AMPH: variants seen among roughly 807,000 people sequenced by gnomAD.
AMPH encodes amphiphysin (Stiff-Mann syndrome with breast cancer 128kD autoantigen).
AMPH carries 49 observed loss-of-function variants against 99.1 expected under a neutral mutation model. The observed-to-expected ratio is 0.49, with a 90% CI of 0.39 to 0.63. The LOEUF (loss-of-function observed/expected upper bound fraction) is 0.63, where lower values mean the gene tolerates loss of function less well. Ranked by LOEUF, AMPH falls within the 20% of genes least tolerant of loss-of-function variation. The pLI is 0.00. For missense variants in AMPH, 759 were observed against 863.4 expected, an observed-to-expected ratio of 0.88 and a Z score of 1.52; for synonymous variants, 314 against 317.3, an observed-to-expected ratio of 0.99 and a Z score of 0.11.
At chr7:38,390,294 G>T (rs941519668) in intron 19 of AMPH, among the ~76,000 whole-genome samples, 6 of 152,088 alleles carry the variant, frequency 3.9e-5, no homozygotes, top group Non-Finnish European at 8.8e-5. Flanking sequence ...ACCACTTGCA[G>T]GTTATACAGT....
At chr7:38,474,882 A>G (rs1788026418) in intron 7 of AMPH, among the ~76,000 whole-genome samples, 1 of 152,200 alleles carries the variant, frequency 6.6e-6, no homozygotes. Context: ...GAGGCTTACC[A>G]TCTAAGCCAG....
At chr7:38,527,481 T>C (rs916201549) in intron 2 of AMPH, among the ~76,000 whole-genome samples, 14 of 152,162 alleles carry the variant, frequency 9.2e-5, no homozygotes, top group Non-Finnish European at 1.8e-4. Flanking sequence ...AATTTACACA[T>C]ATATATTTCT....
chr7:38,392,075 G>T, intron 18 of AMPH, 58 bp from the exon 19 acceptor site: 1 of 1,562,718 alleles, frequency 6.4e-7, no homozygotes, highest in Non-Finnish European at 8.6e-7. Flanking sequence ...GAACCTCCTT[G>T]TCCTGCACAA....
At chr7:38,450,019 T>C (rs533852082) in intron 11 of AMPH, among the ~76,000 whole-genome samples, 8 of 152,290 alleles carry the variant, frequency 5.3e-5, no homozygotes, top group East Asian at 3.9e-4. Flanking sequence ...ACAAGTAAGA[T>C]GCAGTATTAG....
intron 1 of AMPH, among the ~76,000 whole-genome samples, chr7:38,588,915 C>T (rs2129057392): frequency 6.6e-6 from 1 of 152,198 alleles, no homozygotes; most frequent in South Asian, 2.1e-4. Context: ...CAAACACCCT[C>T]CTCCACACCC....
chr7:38,600,064 T>C (rs1793193565), intron 1 of AMPH, among the ~76,000 whole-genome samples: 1 of 152,130 alleles, frequency 6.6e-6, no homozygotes, highest in Non-Finnish European at 1.5e-5. Context: ...GGCCTTTGGA[T>C]TCAGTCCTCG....
intron 1 of AMPH, among the ~76,000 whole-genome samples, chr7:38,576,270 A>G (rs1468761593): frequency 6.6e-6 from 1 of 152,084 alleles, no homozygotes; most frequent in Admixed American, 6.5e-5. Flanking sequence ...AAACAAAACA[A>G]CTTCTTAATA....
intron 1 of AMPH, among the ~76,000 whole-genome samples, chr7:38,568,337 T>C (rs1327631593): frequency 5.3e-5 from 8 of 152,058 alleles, no homozygotes; most frequent in Admixed American, 3.9e-4. Flanking sequence ...TGGTGGTGGG[T>C]GCCTGTAGTC....
chr7:38,497,085 G>T (rs1302284534), intron 3 of AMPH, among the ~76,000 whole-genome samples: 1 of 152,150 alleles, frequency 6.6e-6, no homozygotes, highest in Non-Finnish European at 1.5e-5. Flanking sequence ...AAGCCATTTT[G>T]ACATGGAAAT....
chr7:38,564,794 G>A (rs1159439501), intron 1 of AMPH, among the ~76,000 whole-genome samples: 6 of 152,124 alleles, frequency 3.9e-5, no homozygotes, highest in African/African-American at 1.4e-4. Context: ...CCTTATCAAG[G>A]TGAACATAAG....
intron 11 of AMPH, among the ~76,000 whole-genome samples, chr7:38,455,081 CTT>C (rs558916967): frequency 1.4e-5 from 2 of 146,126 alleles, no homozygotes; most frequent in African/African-American, 5.0e-5. Context: ...TATTAAAATT[CTT>C]TTTTTTTTTT....
intron 7 of AMPH, among the ~76,000 whole-genome samples, chr7:38,466,703 C>A (rs1211578932): frequency 6.6e-6 from 1 of 151,938 alleles, no homozygotes; most frequent in Non-Finnish European, 1.5e-5. Flanking sequence ...TTGAGAAGTT[C>A]ATTATTAACT....
chr7:38,427,046 G>T (rs1021285161), intron 14 of AMPH, 60 bp from the exon 15 acceptor site: 3 of 1,448,332 alleles, frequency 2.1e-6, no homozygotes, highest in East Asian at 2.3e-5. Context: ...TGTAGGACCA[G>T]TAAATATCCA....
chr7:38,418,069 A>G, intron 16 of AMPH, 119 bp from the exon 17 acceptor site: 1 of 1,199,682 alleles, frequency 8.3e-7, no homozygotes, highest in Non-Finnish European at 1.2e-6. Context: ...AGCTTCATGA[A>G]ATCCGTGCTG....
chr7:38,571,489 C>A (rs1584260050), intron 1 of AMPH, among the ~76,000 whole-genome samples: 1 of 120,268 alleles, frequency 8.3e-6, no homozygotes, highest in Admixed American at 9.5e-5. Context: ...AATATATATT[C>A]TATATAAATA....
chr7:38,557,769 A>T (rs987350075), intron 1 of AMPH, among the ~76,000 whole-genome samples: 1 of 152,158 alleles, frequency 6.6e-6, no homozygotes, highest in Non-Finnish European at 1.5e-5. Flanking sequence ...GTTAAAAAAA[A>T]TTGAATAAAA....
At chr7:38,431,237 T>C (rs972858165) in intron 13 of AMPH, among the ~76,000 whole-genome samples, 7 of 152,226 alleles carry the variant, frequency 4.6e-5, no homozygotes, top group East Asian at 3.8e-4. Flanking sequence ...CTACCTTTTA[T>C]TGATACACAC....
chr7:38,525,445 C>CAT (rs372923065), intron 2 of AMPH, among the ~76,000 whole-genome samples: 1 of 125,420 alleles, frequency 8.0e-6, no homozygotes, highest in Non-Finnish European at 1.8e-5. Context: ...CTCATTTGTG[C>CAT]GTGTGTGTGT....
chr7:38,547,020 G>A (rs925077755), intron 1 of AMPH, among the ~76,000 whole-genome samples: 21 of 152,154 alleles, frequency 1.4e-4, no homozygotes, highest in African/African-American at 5.1e-4. Context: ...AAGGTGGGAG[G>A]AGGGAGAGCC....
Sources: gnomAD v4.1 joint callset for allele counts (sites outside exome capture counted in the v4.1 genomes callset) on GRCh38, gnomAD v4.1.1 for gene constraint, MANE v1.5 for transcripts, NCBI Gene and HGNC (gene_info 2026-07-23, HGNC 2026-07-21) for gene names.